The following CBFA2T2 variants were observed in gnomAD, a reference collection of about 807,000 sequenced individuals.
The protein encoded by CBFA2T2 is protein CBFA2T2.
A neutral mutation model predicts 62.2 loss-of-function variants in CBFA2T2; 11 were observed. The ratio of observed to expected loss-of-function variants is 0.18; its 90% CI spans 0.11 to 0.29. CBFA2T2 has a LOEUF of 0.29. CBFA2T2 is among the 10% of genes least tolerant of loss of function. The pLI, the probability that CBFA2T2 is intolerant of heterozygous loss-of-function variation, is 1.00. For missense variants in CBFA2T2, 592 were observed against 774.1 expected, an observed-to-expected ratio of 0.76 and a Z score of 2.79; for synonymous variants, 295 against 287.5, an observed-to-expected ratio of 1.03 and a Z score of -0.27.
intron 1 of CBFA2T2, among the ~76,000 whole-genome samples, chr20:33,517,535 C>T (rs766267263): frequency 2.3e-4 from 35 of 151,078 alleles, no homozygotes; most frequent in Non-Finnish European, 4.7e-4. Context: ...CTGCAATCTC[C>T]GGCTCAATCA....
At chr20:33,628,278 A>AT in intron 6 of CBFA2T2, 72 bp from the exon 7 acceptor site, 1 of 982,260 alleles carries the variant, frequency 1.0e-6, no homozygotes, top group African/African-American at 1.6e-5. Flanking sequence ...ATATGTGTGT[A>AT]TTTACTTGGT....
At chr20:33,551,007 A>G (rs140296938) in intron 1 of CBFA2T2, among the ~76,000 whole-genome samples, 210 of 152,284 alleles carry the variant, frequency 1.4e-3, no homozygotes, top group African/African-American at 4.8e-3. Context: ...TGTTTCAGGA[A>G]TCATTGCTCC....
In CBFA2T2 at chr20:33,649,553, G is replaced by C. The variant is rs951965605; in HGVS notation, c.*4907G>C. The C allele has an allele frequency of 1.4e-4, 22 of 152,506 alleles. No homozygotes were observed. The highest frequency in any genetic ancestry group is 9.2e-4 in the Admixed American group (14 of 15,298). 9.4% of individuals were successfully genotyped at this position (152,506 alleles called of 1,614,324 possible). A position where few individuals can be genotyped will look rare whatever the true frequency, so the allele number is the denominator to read the frequency against. ...CTTCCCTCACAGACCCCATCTGGTC[G>C]AGCCTACGGCTGCCCAGTGTACACT... On this transcript the variant is annotated 3_prime_UTR_variant, in exon 11 of 11. Transcript: ENST00000342704.
chr20:33,490,331 G>GGGGGGCGTGTGAGGGCCTGCGGCTCC (rs1214130499), intron 1 of CBFA2T2, 30 bp downstream of exon 1: 3 of 1,276,988 alleles, frequency 2.3e-6, no homozygotes, highest in Non-Finnish European at 3.0e-6. Flanking sequence ...GGGCGGCCGA[G>GGGGGGCGTGTGAGGGCCTGCGGCTCC]GGGGGCGTGT....
chr20:33,518,773 C>CA (rs776181082), intron 1 of CBFA2T2, among the ~76,000 whole-genome samples: 372 of 126,738 alleles, frequency 2.9e-3, no homozygotes, highest in East Asian at 8.1e-3. Flanking sequence ...ACTCCTTCTC[C>CA]AAAAAAAAAA....
At chr20:33,636,013 T>C (rs1279339138) in intron 8 of CBFA2T2, among the ~76,000 whole-genome samples, 1 of 152,164 alleles carries the variant, frequency 6.6e-6, no homozygotes, top group Non-Finnish European at 1.5e-5. Context: ...TTCCTAATGT[T>C]TTATTTTGAA....
At chr20:33,564,963 A>C (rs556958444) in intron 1 of CBFA2T2, among the ~76,000 whole-genome samples, 7 of 152,056 alleles carry the variant, frequency 4.6e-5, no homozygotes, top group African/African-American at 1.2e-4. Context: ...TCTGTCACCC[A>C]GGCTGGAGTG....
intron 10 of CBFA2T2, among the ~76,000 whole-genome samples, chr20:33,641,731 C>T (rs1323951206): frequency 6.6e-6 from 1 of 152,194 alleles, no homozygotes; most frequent in Non-Finnish European, 1.5e-5. Context: ...TACAGGTGCA[C>T]ACCACCGTGC....
At chr20:33,598,529 A>G (rs534490761) in intron 1 of CBFA2T2, among the ~76,000 whole-genome samples, 1 of 152,270 alleles carries the variant, frequency 6.6e-6, no homozygotes, top group East Asian at 1.9e-4. Flanking sequence ...TTCCCTGAAC[A>G]ATTGCTGTTA....
chr20:33,595,520 A>G (rs574735287), intron 1 of CBFA2T2, among the ~76,000 whole-genome samples: 1 of 149,824 alleles, frequency 6.7e-6, no homozygotes, highest in South Asian at 2.1e-4. Flanking sequence ...TAAAAATCTT[A>G]TACGGTACTT....
intron 1 of CBFA2T2, among the ~76,000 whole-genome samples, chr20:33,507,192 T>C (rs1474703985): frequency 6.6e-6 from 1 of 152,230 alleles, no homozygotes; most frequent in African/African-American, 2.4e-5. Flanking sequence ...ATATTCTTGA[T>C]TTCAGATATT....
intron 1 of CBFA2T2, among the ~76,000 whole-genome samples, chr20:33,592,445 A>AAAATTATATATAATTATGTAAAT (rs2014701113): frequency 6.8e-6 from 1 of 148,084 alleles, no homozygotes; most frequent in African/African-American, 2.5e-5. Context: ...TAATTATGTA[A>AAAATTATATATAATTATGTAAAT]ATATATATAT....
intron 1 of CBFA2T2, among the ~76,000 whole-genome samples, chr20:33,592,354 ACT>A (rs1296179678): frequency 7.7e-6 from 1 of 130,348 alleles, no homozygotes; most frequent in East Asian, 2.1e-4. Flanking sequence ...CAAGAACAAA[ACT>A]CTGTCTCAAA....
At chr20:33,493,071 T>G (rs1000460065) in intron 1 of CBFA2T2, among the ~76,000 whole-genome samples, 8 of 141,334 alleles carry the variant, frequency 5.7e-5, no homozygotes, top group Admixed American at 5.6e-4. Context: ...AGTTTTGGTT[T>G]TTTTTTTTTT....
At position 33,627,052 on chromosome 20, in the gene CBFA2T2, T is replaced by C. The variant is rs565450923; in HGVS notation, c.947-1298T>C. 3.3e-5 allele frequency among the ~76,000 whole-genome samples: 5 copies of C among 152,298 alleles called. No homozygotes were observed. The South Asian group carries it at 6.2e-4, about 19-fold the overall frequency. ...TACTGGCAGTATGTTATGATACTTA[T>C]CCTAGTGTTCAACCCCTGTTACTCC... On this transcript the variant is annotated intron_variant, in intron 6 of 10. Transcript: ENST00000342704.
intron 8 of CBFA2T2, among the ~76,000 whole-genome samples, chr20:33,631,211 G>A (rs1760284077): frequency 6.6e-6 from 1 of 152,234 alleles, no homozygotes; most frequent in Admixed American, 6.5e-5. Flanking sequence ...CTACTGGGGA[G>A]GTTGAGGCAG....
intron 1 of CBFA2T2, among the ~76,000 whole-genome samples, chr20:33,529,675 AAAAC>A (rs1462975594): frequency 2.0e-4 from 30 of 151,074 alleles, no homozygotes; most frequent in African/African-American, 6.6e-4. Flanking sequence ...TGTCTTTAAA[AAAAC>A]AAACAAAAAA....
Position 33,629,646 on chromosome 20 carries a change from G to A in CBFA2T2, c.1033-73G>A, listed in dbSNP as rs768037540. 3.4e-4 allele frequency: 464 copies of A among 1,348,760 alleles called. 2 individuals are homozygous for A. Among genetic ancestry groups the A allele is most frequent in the Admixed American group, 4.4e-4 (20 of 45,116 alleles). The allele number at this position is 1,348,760 out of a possible 1,614,324, so 83.5% of individuals were successfully genotyped here. A position where few individuals can be genotyped will look rare whatever the true frequency, so the allele number is the denominator to read the frequency against. Reference sequence around the variant, plus strand: ...AAGGAACCTGAATTCCTCATATTGCGTTGGCCTGATTTACAGTGTTGGTTG... The same window carrying A: ...AAGGAACCTGAATTCCTCATATTGCATTGGCCTGATTTACAGTGTTGGTTG... On this transcript the variant is annotated intron_variant, in intron 7 of 10. Transcript: ENST00000342704.
At chr20:33,506,517 A>C (rs2011406540) in intron 1 of CBFA2T2, among the ~76,000 whole-genome samples, 1 of 152,218 alleles carries the variant, frequency 6.6e-6, no homozygotes, top group Non-Finnish European at 1.5e-5. Context: ...TAAGTGCCAT[A>C]GGGCTGCCAA....
Sources: gnomAD v4.1 joint callset for allele counts (sites outside exome capture counted in the v4.1 genomes callset) on GRCh38, gnomAD v4.1.1 for gene constraint, MANE v1.5 for transcripts, NCBI Gene and HGNC (gene_info 2026-07-23, HGNC 2026-07-21) for gene names.